WNT7B: variants seen among roughly 807,000 people sequenced by gnomAD.
WNT7B encodes protein Wnt-7b.
A neutral mutation model predicts 38.2 loss-of-function variants in WNT7B; 19 were observed. The observed-to-expected ratio is 0.50, with a 90% confidence interval of 0.35 to 0.73. The LOEUF (loss-of-function observed/expected upper bound fraction) is 0.73, where lower values mean the gene tolerates loss of function less well. Ranked by LOEUF, WNT7B falls within the 30% of genes least tolerant of loss-of-function variation. WNT7B has a pLI of 0.01. For missense variants in WNT7B, 423 were observed against 507.9 expected (o/e 0.83, Z 1.61); for synonymous variants, 243 against 209.3 (o/e 1.16, Z -1.39).
chr22:45,924,139 C>T (rs554612301), intron 3 of WNT7B, among the ~76,000 whole-genome samples: 34 of 152,310 alleles, frequency 2.2e-4, no homozygotes, highest in African/African-American at 5.3e-4. Context: ...TATTAGCTGG[C>T]GCCCCACGGC....
intron 3 of WNT7B, among the ~76,000 whole-genome samples, chr22:45,929,473 C>T (rs184823118): frequency 0.08 from 10,248 of 127,770 alleles, 599 homozygotes; most frequent in Admixed American, 0.17. Flanking sequence ...TCTACTTATC[C>T]TTCCATCTGT....
chr22:45,954,172 G>A (rs182314582), intron 1 of WNT7B, among the ~76,000 whole-genome samples: 60 of 152,306 alleles, frequency 3.9e-4, no homozygotes, highest in African/African-American at 1.3e-3. Context: ...ACCACGTACT[G>A]TGTGGTTCCA....
chr22:45,963,283 A>G (rs1932236975), intron 1 of WNT7B, among the ~76,000 whole-genome samples: 1 of 151,910 alleles, frequency 6.6e-6, no homozygotes, highest in Admixed American at 6.6e-5. Flanking sequence ...CAAGCAGCCC[A>G]CTTTTCTGGA....
At chr22:45,935,800 G>C in intron 2 of WNT7B, 1 of 984,530 alleles carries the variant, frequency 1.0e-6, no homozygotes, top group Non-Finnish European at 1.2e-6. Flanking sequence ...AAGCAGGAAG[G>C]GATTTGCAAT....
intron 1 of WNT7B, among the ~76,000 whole-genome samples, chr22:45,953,738 AAAGAAG>A (rs1010940571): frequency 6.6e-6 from 1 of 151,526 alleles, no homozygotes. Flanking sequence ...AAAAAAAAAA[AAAGAAG>A]AAGAAGAAGA....
chr22:45,937,139 T>A (rs1473105548), intron 2 of WNT7B, among the ~76,000 whole-genome samples: 1 of 152,172 alleles, frequency 6.6e-6, no homozygotes, highest in Non-Finnish European at 1.5e-5. Flanking sequence ...GTGCGGCTCC[T>A]CCATCCCCAG....
At chr22:45,929,610 GCCCATACA>G (rs1336863634) in intron 3 of WNT7B, among the ~76,000 whole-genome samples, 2 of 113,140 alleles carry the variant, frequency 1.8e-5, no homozygotes, top group Non-Finnish European at 3.5e-5. Flanking sequence ...CCATCCACCT[GCCCATACA>G]CCCATCCTTC....
At chr22:45,933,266 A>T (rs959113498) in intron 2 of WNT7B, among the ~76,000 whole-genome samples, 1 of 152,128 alleles carries the variant, frequency 6.6e-6, no homozygotes, top group African/African-American at 2.4e-5. Context: ...GCAAGGTCCG[A>T]GACTGCAATG....
At chr22:45,941,281 G>A (rs138802464) in intron 2 of WNT7B, among the ~76,000 whole-genome samples, 2,388 of 152,254 alleles carry the variant, frequency 0.016, 58 homozygotes, top group African/African-American at 0.055. Context: ...AGGCTAAGGC[G>A]GGCGGATCAC....
intron 2 of WNT7B, chr22:45,935,862 T>A (rs1931502188): frequency 2.0e-6 from 2 of 985,162 alleles, no homozygotes; most frequent in Non-Finnish European, 2.4e-6. Context: ...GCCCTAGATG[T>A]GTGTGGTGAT....
intron 2 of WNT7B, among the ~76,000 whole-genome samples, chr22:45,935,466 C>T (rs1190548928): frequency 6.6e-6 from 1 of 152,198 alleles, no homozygotes; most frequent in Non-Finnish European, 1.5e-5. Flanking sequence ...CCCTGGGGGA[C>T]AGCAGCCCCC....
At chr22:45,946,684 A>G (rs967238879) in intron 2 of WNT7B, among the ~76,000 whole-genome samples, 1 of 142,940 alleles carries the variant, frequency 7.0e-6, no homozygotes, top group Non-Finnish European at 1.5e-5. Flanking sequence ...TGAGGCGAGC[A>G]GAGCAACTGG....
chr22:45,944,845 C>G (rs1230813276), intron 2 of WNT7B, among the ~76,000 whole-genome samples: 5 of 152,226 alleles, frequency 3.3e-5, no homozygotes, highest in Admixed American at 6.5e-5. Flanking sequence ...CCGAAAACGG[C>G]TGCTCAGTGA....
At chr22:45,943,931 G>A (rs1344113352) in intron 2 of WNT7B, among the ~76,000 whole-genome samples, 1 of 152,194 alleles carries the variant, frequency 6.6e-6, no homozygotes, top group African/African-American at 2.4e-5. Context: ...CTGCCTCAGT[G>A]GCCCAGGGCT....
rs1299732969 is a variant in WNT7B, at chr22:45,926,054, G to A, written c.571-2719C>T. ...TGCTACTGCCCGCCTGGGGATAATC[G>A]GCTCCCGCAGGGCCAGGCCCGTGAC... is the stretch of plus-strand genomic sequence containing the variant. On this transcript the variant is annotated intron_variant, in intron 3 of 3. Transcript: ENST00000339464. 3.2e-5 allele frequency: 32 copies of A among 985,286 alleles called. No individual in the cohort carries two copies. The Admixed American group carries it at 1.3e-3, about 40-fold the overall frequency. The allele number at this position is 985,286 out of a possible 1,614,324, so 61.0% of individuals were successfully genotyped here.
At position 45,976,922 on chromosome 22, in the gene WNT7B, G is replaced by A. The variant is rs1932564815; in HGVS notation, c.-168C>T. 3.0e-6 allele frequency: 3 copies of A among 991,786 alleles called. No individual in the cohort carries two copies. The highest frequency in any genetic ancestry group is 3.6e-6 in the Non-Finnish European group (3 of 834,724). 61.4% of individuals were successfully genotyped at this position (991,786 alleles called of 1,614,324 possible). A position where few individuals can be genotyped will look rare whatever the true frequency, so the allele number is the denominator to read the frequency against. ...ACTCGGCGCGCGCTGCCACCATGGT[G>A]AGCCCGGGATGCCGCCGCCGCCACC... On this transcript the variant is annotated 5_prime_UTR_variant, in exon 1 of 4. Transcript: ENST00000339464. The surrounding 1 kb of genome is among the most constrained non-coding windows in gnomAD (Gnocchi z 8.5).
intron 2 of WNT7B, among the ~76,000 whole-genome samples, chr22:45,935,271 C>T (rs1410240900): frequency 1.3e-5 from 2 of 152,170 alleles, no homozygotes; most frequent in Non-Finnish European, 2.9e-5. Context: ...TGTCAGTGGC[C>T]CCCAAGGCCT....
At chr22:45,939,669 AC>A (rs1931598519) in intron 2 of WNT7B, among the ~76,000 whole-genome samples, 3 of 151,796 alleles carry the variant, frequency 2.0e-5, no homozygotes. Flanking sequence ...ACACACACAC[AC>A]AAAAATAGCC....
At chr22:45,961,827 G>C (rs1932203014) in intron 1 of WNT7B, among the ~76,000 whole-genome samples, 5 of 152,214 alleles carry the variant, frequency 3.3e-5, no homozygotes, top group Admixed American at 3.3e-4. Context: ...TTGGGGTCCT[G>C]TGTTTGAGTT....
Sources: allele counts gnomAD v4.1 joint callset (sites outside exome capture counted in the v4.1 genomes callset), GRCh38; gene constraint gnomAD v4.1.1; non-coding constraint Gnocchi (gnomAD v3.1); transcripts MANE v1.5; gene names NCBI Gene and HGNC (gene_info 2026-07-23, HGNC 2026-07-21).